Variants in CALD1 observed in about 807,000 individuals in gnomAD.
CALD1 encodes the protein caldesmon 1.
CALD1 carries 33 observed loss-of-function variants against 99.9 expected under a neutral mutation model. The ratio of observed to expected loss-of-function variants is 0.33; its 90% CI spans 0.25 to 0.44. The LOEUF (loss-of-function observed/expected upper bound fraction) is 0.44, where lower values mean the gene tolerates loss of function less well. Ranked by LOEUF, CALD1 falls within the 20% of genes least tolerant of loss-of-function variation. The probability of loss-of-function intolerance (pLI) is 1.00; values close to 1 mark genes in which losing one functional copy is unlikely to be tolerated. For synonymous variants in CALD1, 310 were observed against 325.0 expected, an observed-to-expected ratio of 0.95 and a Z score of 0.50; for missense variants, 861 against 962.1, an observed-to-expected ratio of 0.89 and a Z score of 1.39.
intron 3 of CALD1, among the ~76,000 whole-genome samples, chr7:134,875,159 A>G (rs1189883459): frequency 6.6e-6 from 1 of 152,190 alleles, no homozygotes; most frequent in Non-Finnish European, 1.5e-5. Flanking sequence ...TGATCACTCC[A>G]GGGGACAAAA....
chr7:134,962,460 C>T lies in CALD1; in HGVS notation c.2295+1832C>T, dbSNP rs371763430. 4.0e-5 allele frequency: 7 copies of T among 175,760 alleles called. No homozygotes were observed. In the East Asian group the frequency reaches 6.9e-4, roughly 17 times the overall value. The allele number at this position is 175,760 out of a possible 1,614,324, so 10.9% of individuals were successfully genotyped here. A position where few individuals can be genotyped will look rare whatever the true frequency, so the allele number is the denominator to read the frequency against. On this transcript the variant is annotated intron_variant, in intron 13 of 14. Coordinates refer to ENST00000361675, the MANE Select transcript of CALD1 (RefSeq NM_033138.4). ...ATTAGTATGTGACTTGCTAGATCAC[C>T]CCCTAGAGGGTGAAGAAAAGGAAAG... is the stretch of plus-strand genomic sequence containing the variant.
At chr7:134,816,257 T>C (rs966233578) in intron 1 of CALD1, among the ~76,000 whole-genome samples, 2 of 152,218 alleles carry the variant, frequency 1.3e-5, no homozygotes, top group Admixed American at 1.3e-4. Context: ...TAATGTGATG[T>C]TGCAAATCAA....
At chr7:134,910,478 T>C (rs1436549978) in intron 3 of CALD1, among the ~76,000 whole-genome samples, 3 of 152,098 alleles carry the variant, frequency 2.0e-5, no homozygotes, top group African/African-American at 4.8e-5. Context: ...CTAGGCTTGA[T>C]AGTGAAAAGA....
chr7:134,873,213 CCCAAAAAACAAAAAAAAA>C (rs1801185086), intron 3 of CALD1, among the ~76,000 whole-genome samples: 1 of 142,018 alleles, frequency 7.0e-6, no homozygotes, highest in South Asian at 2.2e-4. Flanking sequence ...ACAAAAAAAA[CCCAAAAAACAAAAAAAAA>C]CACTATATTC....
At chr7:134,733,781 C>T in the CALD1 span, among the ~76,000 whole-genome samples, 45,380 of 149,616 alleles carry the variant, frequency 0.3, 7,672 homozygotes, top group East Asian at 0.6. Flanking sequence ...TGCACTCCAG[C>T]CTGGGTGACT....
chr7:134,758,000 T>C (rs1445237828), intron 1 of CALD1, among the ~76,000 whole-genome samples: 5 of 152,214 alleles, frequency 3.3e-5, no homozygotes, highest in Non-Finnish European at 5.9e-5. Context: ...TTGATGACAA[T>C]GCAAGGCTCG....
chr7:134,754,064 A>G lies in CALD1; in HGVS notation c.-130+9701A>G, dbSNP rs1318707245. Among the ~76,000 whole-genome samples, 4 of 152,160 alleles carry G rather than the reference A, an allele frequency of 2.6e-5. No individual in the cohort carries two copies. In the South Asian group the frequency reaches 6.2e-4, roughly 24 times the overall value. On this transcript the variant is annotated intron_variant, in intron 1 of 13. Coordinates refer to the CALD1 transcript ENST00000417172. Reference sequence around the variant, plus strand: ...TTGTTTAACACGTAACTTCTGTGGGATGAGATGAAGTCCCAGCCCATCCAT... The same window carrying G: ...TTGTTTAACACGTAACTTCTGTGGGGTGAGATGAAGTCCCAGCCCATCCAT...
intron 6 of CALD1, among the ~76,000 whole-genome samples, chr7:134,936,616 T>G (rs745784189): frequency 1.4e-4 from 21 of 152,204 alleles, no homozygotes; most frequent in Admixed American, 1.4e-3. Context: ...AAGAAAACTA[T>G]GGCATCTATT....
chr7:134,927,908 TTAA>T (rs1020595933), intron 3 of CALD1: 7 of 148,238 alleles, frequency 4.7e-5, no homozygotes, highest in African/African-American at 9.8e-5. Flanking sequence ...ATATTTAATT[TTAA>T]TAATATGTAT....
intron 3 of CALD1, among the ~76,000 whole-genome samples, chr7:134,899,092 G>T (rs1004401141): frequency 6.6e-6 from 1 of 152,074 alleles, no homozygotes; most frequent in Non-Finnish European, 1.5e-5. Flanking sequence ...TAAACTTTTA[G>T]ATCAAATATA....
intron 1 of CALD1, among the ~76,000 whole-genome samples, chr7:134,784,989 A>G (rs185503546): frequency 1.6e-4 from 24 of 152,322 alleles, no homozygotes; most frequent in African/African-American, 5.5e-4. Flanking sequence ...GGAGGAGGAC[A>G]TCAAAGGCAC....
chr7:134,845,515 A>C (rs941395621), intron 2 of CALD1, among the ~76,000 whole-genome samples: 5 of 152,248 alleles, frequency 3.3e-5, no homozygotes, highest in Admixed American at 6.5e-5. Flanking sequence ...AGTAAATAGC[A>C]CAAGCATGCC....
intron 1 of CALD1, among the ~76,000 whole-genome samples, chr7:134,780,279 T>A (rs1450549693): frequency 6.6e-6 from 1 of 152,190 alleles, no homozygotes; most frequent in Non-Finnish European, 1.5e-5. Flanking sequence ...CTTCCAGAGT[T>A]GCAAGGAAAT....
At chr7:134,756,290 A>C (rs1283058320) in intron 1 of CALD1, among the ~76,000 whole-genome samples, 2 of 121,992 alleles carry the variant, frequency 1.6e-5, no homozygotes, top group African/African-American at 6.4e-5. Context: ...AAAAAAAAAA[A>C]ACTAAAAATT....
At chr7:134,730,956 C>A in the CALD1 span, among the ~76,000 whole-genome samples, 1 of 152,146 alleles carries the variant, frequency 6.6e-6, no homozygotes, top group Non-Finnish European at 1.5e-5. Context: ...CCTCCAGCAT[C>A]TGGTCTACCT....
intron 8 of CALD1, among the ~76,000 whole-genome samples, chr7:134,949,395 T>C (rs1201123547): frequency 3.3e-5 from 5 of 152,122 alleles, no homozygotes; most frequent in African/African-American, 7.2e-5. Context: ...GAAAATCAAG[T>C]TGTGCAACTT....
chr7:134,897,933 T>C (rs1047073796), intron 3 of CALD1, among the ~76,000 whole-genome samples: 3 of 151,952 alleles, frequency 2.0e-5, no homozygotes, highest in Non-Finnish European at 4.4e-5. Context: ...GGTCTCAAAC[T>C]CCTGGGCTCA....
chr7:134,738,924 T>C, the CALD1 span, among the ~76,000 whole-genome samples: 1 of 152,240 alleles, frequency 6.6e-6, no homozygotes. Flanking sequence ...ATTGTTCAAG[T>C]AGTTTTGAAT....
At chr7:134,723,158 T>C in the CALD1 span, among the ~76,000 whole-genome samples, 7 of 152,334 alleles carry the variant, frequency 4.6e-5, no homozygotes, top group African/African-American at 1.7e-4. Flanking sequence ...TCAATCTTTT[T>C]GAGTTTCAGT....
Sources: gnomAD v4.1 joint callset for allele counts (sites outside exome capture counted in the v4.1 genomes callset) on GRCh38, gnomAD v4.1.1 for gene constraint, MANE v1.5 for transcripts, NCBI Gene and HGNC (gene_info 2026-07-23, HGNC 2026-07-21) for gene names.